Variants in AKT3 observed in about 807,000 individuals in gnomAD.
The protein encoded by AKT3 is RAC-gamma serine/threonine-protein kinase.
In AKT3, 15 loss-of-function variants were observed where a neutral mutation model predicts 65.3. The observed-to-expected ratio is 0.23, with a 90% CI of 0.15 to 0.35. The LOEUF is 0.35. Ranked by LOEUF, AKT3 falls within the 10% of genes least tolerant of loss-of-function variation. AKT3 has a pLI of 1.00. For synonymous variants in AKT3, 206 were observed against 183.8 expected, an observed-to-expected ratio of 1.12 and a Z score of -0.98; for missense variants, 243 against 576.5, an observed-to-expected ratio of 0.42 and a Z score of 5.92.
intron 9 of AKT3, 62 bp from the exon 10 acceptor site, chr1:243,563,910 T>C: frequency 2.0e-6 from 3 of 1,487,628 alleles, no homozygotes; most frequent in Non-Finnish European, 2.7e-6. Flanking sequence ...AAAATACCAT[T>C]TTAAAAAACT....
At chr1:243,711,264 G>A (rs1453576521) in intron 2 of AKT3, among the ~76,000 whole-genome samples, 3 of 152,162 alleles carry the variant, frequency 2.0e-5, no homozygotes, top group African/African-American at 7.2e-5. Context: ...GGAGGTGGAG[G>A]TTGCAGGGAG....
At chr1:243,640,816 T>C (rs1196358980) in intron 5 of AKT3, among the ~76,000 whole-genome samples, 1 of 152,204 alleles carries the variant, frequency 6.6e-6, no homozygotes, top group Non-Finnish European at 1.5e-5. Flanking sequence ...ACATGGCTAT[T>C]GTTTTAAGAC....
chr1:243,705,530 G>A (rs767012876), intron 2 of AKT3, among the ~76,000 whole-genome samples: 2 of 152,090 alleles, frequency 1.3e-5, no homozygotes, highest in Non-Finnish European at 2.9e-5. Context: ...CCAAAGTGAT[G>A]CTTTTAAATT....
chr1:243,674,263 TG>T (rs1558706474), intron 3 of AKT3, among the ~76,000 whole-genome samples: 1 of 152,180 alleles, frequency 6.6e-6, no homozygotes, highest in African/African-American at 2.4e-5. Flanking sequence ...AGTGCCAACA[TG>T]TCAAACCACA....
At chr1:243,536,133 C>T (rs1671909478) in intron 12 of AKT3, among the ~76,000 whole-genome samples, 1 of 152,056 alleles carries the variant, frequency 6.6e-6, no homozygotes, top group Non-Finnish European at 1.5e-5. Flanking sequence ...AGCCCTTTTT[C>T]AGAAGTAAAG....
chr1:243,656,810 GTAGT>G (rs1432550749), intron 4 of AKT3, among the ~76,000 whole-genome samples: 1 of 152,202 alleles, frequency 6.6e-6, no homozygotes, highest in Non-Finnish European at 1.5e-5. Context: ...GACAGTGAAA[GTAGT>G]TAGCTGTTAA....
chr1:243,638,157 T>C (rs1021479821), intron 5 of AKT3, among the ~76,000 whole-genome samples: 2 of 152,132 alleles, frequency 1.3e-5, no homozygotes, highest in Non-Finnish European at 1.5e-5. Flanking sequence ...TGGAAGGAGC[T>C]ATCTGAGAAT....
intron 2 of AKT3, among the ~76,000 whole-genome samples, chr1:243,779,509 G>C (rs1690772387): frequency 1.3e-5 from 2 of 151,804 alleles, no homozygotes; most frequent in African/African-American, 4.8e-5. Context: ...AGGTTCCAGG[G>C]GACAAGCAAG....
intron 2 of AKT3, among the ~76,000 whole-genome samples, chr1:243,815,521 A>C (rs1466562359): frequency 6.6e-6 from 1 of 152,120 alleles, no homozygotes; most frequent in Admixed American, 6.5e-5. Context: ...ATGTTTCAAA[A>C]TCCTTCAAGC....
chr1:243,661,351 A>G (rs935331093), intron 4 of AKT3, among the ~76,000 whole-genome samples: 2 of 152,242 alleles, frequency 1.3e-5, no homozygotes, highest in African/African-American at 4.8e-5. Flanking sequence ...TACTGGTACC[A>G]AAACAGAGAT....
intron 8 of AKT3, among the ~76,000 whole-genome samples, chr1:243,578,069 CTT>C (rs1265830181): frequency 2.0e-5 from 3 of 152,140 alleles, no homozygotes; most frequent in Non-Finnish European, 4.4e-5. Context: ...GATGGGAACA[CTT>C]TTACAATGCT....
intron 2 of AKT3, among the ~76,000 whole-genome samples, chr1:243,841,925 A>G (rs1558864031): frequency 1.3e-5 from 2 of 152,346 alleles, no homozygotes; most frequent in Non-Finnish European, 2.9e-5. Context: ...AAAACTATGT[A>G]CTGCATGATT....
At position 243,843,447 on chromosome 1, in the gene AKT3, G is replaced by C. The variant is rs994014526; in HGVS notation, c.-112-165C>G. 8.3e-6 allele frequency: 9 copies of C among 1,078,322 alleles called. No individual in the cohort carries two copies. In the African/African-American group the frequency reaches 1.5e-4, roughly 18 times the overall value. 66.8% of individuals were successfully genotyped at this position (1,078,322 alleles called of 1,614,324 possible). ...TTTATTAAATAGTTCTATAATGAAA[G>C]CACTTCCCTAGTCTTGTGACCAATT... is the stretch of plus-strand genomic sequence containing the variant. On this transcript the variant is annotated intron_variant, in intron 1 of 13. Coordinates refer to ENST00000673466, the MANE Select transcript of AKT3 (RefSeq NM_005465.7).
At chr1:243,744,461 C>T (rs1484713242) in intron 2 of AKT3, among the ~76,000 whole-genome samples, 1 of 152,048 alleles carries the variant, frequency 6.6e-6, no homozygotes, top group East Asian at 1.9e-4. Flanking sequence ...AATTATTGGC[C>T]GGGCGCGGTG....
chr1:243,571,466 T>C (rs1674558283), intron 9 of AKT3, among the ~76,000 whole-genome samples: 1 of 152,220 alleles, frequency 6.6e-6, no homozygotes. Context: ...ATCTTTTGAA[T>C]TTAAGCTTTC....
At chr1:243,642,393 T>C (rs1158891561) in intron 5 of AKT3, among the ~76,000 whole-genome samples, 1 of 152,224 alleles carries the variant, frequency 6.6e-6, no homozygotes, top group Admixed American at 6.5e-5. Flanking sequence ...CACTGCAAGC[T>C]CTGCCTCCTG....
intron 6 of AKT3, among the ~76,000 whole-genome samples, chr1:243,620,011 G>A (rs1462497549): frequency 3.1e-5 from 3 of 98,060 alleles, no homozygotes; most frequent in African/African-American, 7.9e-5. Context: ...GGGGTGAGAT[G>A]ATGATATGGT....
intron 5 of AKT3, among the ~76,000 whole-genome samples, chr1:243,639,485 T>C (rs1480512867): frequency 6.6e-6 from 1 of 152,000 alleles, no homozygotes; most frequent in Non-Finnish European, 1.5e-5. Context: ...AAGAAGCCAG[T>C]CAAAACCCAC....
chr1:243,739,858 G>A lies in AKT3; in HGVS notation c.47-44142C>T, dbSNP rs1396183941. Among the ~76,000 whole-genome samples the A allele has an allele frequency of 3.9e-5, 6 of 152,298 alleles. No individual in the cohort carries two copies. The South Asian group carries it at 1.0e-3, about 26-fold the overall frequency. On this transcript the variant is annotated intron_variant, in intron 2 of 13. Transcript: ENST00000673466. ...TTGTCCCCTTTGGCATGTGCTGCTA[G>A]TCCCTCAGGTTTCAAATTAGAAATC...
Sources: gnomAD v4.1 joint callset for allele counts (sites outside exome capture counted in the v4.1 genomes callset) on GRCh38, gnomAD v4.1.1 for gene constraint, MANE v1.5 for transcripts, NCBI Gene and HGNC (gene_info 2026-07-23, HGNC 2026-07-21) for gene names.